CNTN5: variants seen among roughly 807,000 people sequenced by gnomAD.
CNTN5 encodes the protein contactin-5.
Under a neutral mutation model 129.1 loss-of-function variants are expected in CNTN5, and 77 were observed. The observed-to-expected ratio is 0.60, with a 90% confidence interval of 0.50 to 0.72. CNTN5 has a LOEUF of 0.72. Among genes scored for constraint, CNTN5 ranks in the 30% least tolerant of loss-of-function variants. The probability of loss-of-function intolerance (pLI) is 0.00; values close to 1 mark genes in which losing one functional copy is unlikely to be tolerated. For synonymous variants in CNTN5, 509 were observed against 465.6 expected, an observed-to-expected ratio of 1.09 and a Z score of -1.20; for missense variants, 1,478 against 1,328.8, an observed-to-expected ratio of 1.11 and a Z score of -1.75.
intron 1 of CNTN5, among the ~76,000 whole-genome samples, chr11:99,296,661 G>A (rs1229767856): frequency 6.6e-6 from 1 of 152,138 alleles, no homozygotes; most frequent in African/African-American, 2.4e-5. Flanking sequence ...GGAGCCCTTG[G>A]AAAAACAGGG....
chr11:99,560,119 A>G (rs911903338), intron 3 of CNTN5, among the ~76,000 whole-genome samples: 2 of 152,128 alleles, frequency 1.3e-5, no homozygotes, highest in Admixed American at 6.5e-5. Context: ...TGATACTATA[A>G]TCATGGATGC....
chr11:100,100,427 G>A (rs1368246223), intron 13 of CNTN5, among the ~76,000 whole-genome samples: 1 of 151,996 alleles, frequency 6.6e-6, no homozygotes, highest in African/African-American at 2.4e-5. Flanking sequence ...ACTTTCCTGA[G>A]CAAGCCCCTC....
At chr11:99,827,003 T>A (rs1401743986) in intron 4 of CNTN5, among the ~76,000 whole-genome samples, 1 of 152,222 alleles carries the variant, frequency 6.6e-6, no homozygotes, top group Non-Finnish European at 1.5e-5. Flanking sequence ...TTCATCACCC[T>A]GTATTCTACT....
intron 16 of CNTN5, among the ~76,000 whole-genome samples, chr11:100,244,827 G>T (rs182995730): frequency 6.6e-6 from 1 of 152,182 alleles, no homozygotes; most frequent in Non-Finnish European, 1.5e-5. Context: ...GTTTCGGCTA[G>T]CTTTTCTGTC....
intron 3 of CNTN5, among the ~76,000 whole-genome samples, chr11:99,641,192 C>T (rs552576236): frequency 2.0e-4 from 31 of 152,262 alleles, no homozygotes; most frequent in Admixed American, 2.6e-4. Context: ...GTAGCCATTA[C>T]ACTTGAAATA....
chr11:99,646,332 C>CT (rs1355087634), intron 3 of CNTN5, among the ~76,000 whole-genome samples: 1 of 152,174 alleles, frequency 6.6e-6, no homozygotes, highest in African/African-American at 2.4e-5. Context: ...CTTGTTTTCC[C>CT]TTTTTTGCTA....
At chr11:99,582,729 A>ATT (rs141237719) in intron 3 of CNTN5, among the ~76,000 whole-genome samples, 56 of 151,942 alleles carry the variant, frequency 3.7e-4, no homozygotes, top group African/African-American at 1.0e-3. Context: ...CATTTGTCTA[A>ATT]TTTTTTTCAA....
At chr11:99,865,742 CTT>C (rs1410273328) in intron 6 of CNTN5, among the ~76,000 whole-genome samples, 1 of 152,002 alleles carries the variant, frequency 6.6e-6, no homozygotes, top group African/African-American at 2.4e-5. Flanking sequence ...ACATGCAACT[CTT>C]TTACAGGCCA....
At chr11:99,545,790 A>G (rs1001545239) in intron 2 of CNTN5, among the ~76,000 whole-genome samples, 11 of 152,120 alleles carry the variant, frequency 7.2e-5, no homozygotes, top group Non-Finnish European at 1.6e-4. Flanking sequence ...TCATGTTCTC[A>G]CTGGTTTGTT....
intron 7 of CNTN5, among the ~76,000 whole-genome samples, chr11:99,937,299 G>C (rs1430691417): frequency 6.6e-6 from 1 of 152,194 alleles, no homozygotes; most frequent in Non-Finnish European, 1.5e-5. Flanking sequence ...AGCTGGTCTG[G>C]AGGATAGCCA....
chr11:99,759,246 C>G (rs1037392555), intron 3 of CNTN5, among the ~76,000 whole-genome samples: 1 of 151,838 alleles, frequency 6.6e-6, no homozygotes, highest in Non-Finnish European at 1.5e-5. Context: ...GTGTTATGGC[C>G]GAGCATAAGT....
At chr11:99,795,865 G>A (rs1181162184) in intron 3 of CNTN5, among the ~76,000 whole-genome samples, 1 of 150,452 alleles carries the variant, frequency 6.6e-6, no homozygotes, top group African/African-American at 2.5e-5. Flanking sequence ...GCAGTTCTAA[G>A]GTATTTTTGG....
chr11:99,408,373 A>G (rs1942190166), intron 2 of CNTN5, among the ~76,000 whole-genome samples: 1 of 147,674 alleles, frequency 6.8e-6, no homozygotes, highest in Admixed American at 6.8e-5. Context: ...CTACCAAAAA[A>G]AAAAAAAAAA....
chr11:99,038,152 A>G (rs899772564), intron 1 of CNTN5, among the ~76,000 whole-genome samples: 1 of 152,182 alleles, frequency 6.6e-6, no homozygotes, highest in Non-Finnish European at 1.5e-5. Flanking sequence ...AAGTTGTTAT[A>G]GGTTCATTTC....
At chr11:99,745,728 A>T (rs1394312951) in intron 3 of CNTN5, among the ~76,000 whole-genome samples, 5 of 149,646 alleles carry the variant, frequency 3.3e-5, no homozygotes, top group Non-Finnish European at 4.5e-5. Flanking sequence ...ACCTGAAGAC[A>T]TTTTTTTTTT....
At chr11:100,062,629 G>T (rs550892996) in intron 10 of CNTN5, among the ~76,000 whole-genome samples, 1 of 152,302 alleles carries the variant, frequency 6.6e-6, no homozygotes, top group South Asian at 2.1e-4. Context: ...GGAATGCAGA[G>T]TCTACTGCAT....
intron 1 of CNTN5, among the ~76,000 whole-genome samples, chr11:99,128,598 G>C (rs924906189): frequency 6.6e-6 from 1 of 152,164 alleles, no homozygotes; most frequent in Non-Finnish European, 1.5e-5. Context: ...CCCCAGCACA[G>C]CACAACGGCT....
At chr11:99,112,621 T>C (rs944442113) in intron 1 of CNTN5, among the ~76,000 whole-genome samples, 1 of 151,984 alleles carries the variant, frequency 6.6e-6, no homozygotes, top group African/African-American at 2.4e-5. Flanking sequence ...CCATGAATGA[T>C]ATTAAGTTTT....
At position 100,098,872 on chromosome 11, in the gene CNTN5, G is replaced by T. The variant is rs115357267; in HGVS notation, c.1580+24578G>T. On this transcript the variant is annotated intron_variant, in intron 13 of 24. Coordinates refer to ENST00000524871, the MANE Select transcript of CNTN5 (RefSeq NM_014361.4). ...TCCATCATTTTCTAGCAGATTAGCC[G>T]GACTTGTTCACCCGGTGGTGAGCAG... is the stretch of plus-strand genomic sequence containing the variant. 7.5e-3 allele frequency among the ~76,000 whole-genome samples: 1,136 copies of T among 152,060 alleles called. 11 individuals carry two copies. Among genetic ancestry groups the T allele is most frequent in the African/African-American group, 0.026 (1,099 of 41,494 alleles).
Sources: allele counts gnomAD v4.1 joint callset (sites outside exome capture counted in the v4.1 genomes callset), GRCh38; gene constraint gnomAD v4.1.1; transcripts MANE v1.5; gene names NCBI Gene and HGNC (gene_info 2026-07-23, HGNC 2026-07-21).